The following WDR70 variants were observed in gnomAD, a reference collection of about 807,000 sequenced individuals.
The protein encoded by WDR70 is WD repeat-containing protein 70.
WDR70 carries 53 observed loss-of-function variants against 88.6 expected under a neutral mutation model. That is an observed-to-expected ratio of 0.60 (90% CI 0.48 to 0.75). The LOEUF is 0.75. WDR70 is among the 30% of genes least tolerant of loss of function. The pLI is 0.00. For synonymous variants in WDR70, 280 were observed against 270.0 expected (o/e 1.04, Z -0.36); for missense variants, 610 against 823.2 (o/e 0.74, Z 3.17).
chr5:37,630,849 C>T (rs1247224755), intron 10 of WDR70, among the ~76,000 whole-genome samples: 1 of 152,210 alleles, frequency 6.6e-6, no homozygotes, highest in Non-Finnish European at 1.5e-5. Context: ...AGTAGCTTGT[C>T]TCACAGGGGA....
intron 8 of WDR70, among the ~76,000 whole-genome samples, chr5:37,486,465 T>C (rs1448448886): frequency 2.0e-5 from 3 of 150,574 alleles, no homozygotes; most frequent in Admixed American, 6.7e-5. Flanking sequence ...TGCCTCAGCA[T>C]CCTGAGTAGC....
At chr5:37,712,571 A>C (rs1747543739) in intron 13 of WDR70, among the ~76,000 whole-genome samples, 1 of 152,138 alleles carries the variant, frequency 6.6e-6, no homozygotes, top group Non-Finnish European at 1.5e-5. Flanking sequence ...ATTTGTTTGA[A>C]TTTGACACTT....
chr5:37,573,512 T>C (rs1742969971), intron 9 of WDR70, among the ~76,000 whole-genome samples: 2 of 150,572 alleles, frequency 1.3e-5, no homozygotes, highest in South Asian at 4.3e-4. Flanking sequence ...GTATATCTCC[T>C]AATGCTATCC....
chr5:37,514,148 G>A (rs893233047), intron 8 of WDR70, among the ~76,000 whole-genome samples: 2 of 150,926 alleles, frequency 1.3e-5, no homozygotes, highest in South Asian at 4.2e-4. Flanking sequence ...CTAAGTAGCT[G>A]GAACTATAGA....
chr5:37,492,397 G>C (rs573003180), intron 8 of WDR70, among the ~76,000 whole-genome samples: 188 of 152,302 alleles, frequency 1.2e-3, no homozygotes, highest in Non-Finnish European at 2.3e-3. Context: ...GTTGTAGGGT[G>C]AATTCTAAGA....
intron 17 of WDR70, among the ~76,000 whole-genome samples, chr5:37,732,166 C>T (rs1252868476): frequency 6.6e-6 from 1 of 152,066 alleles, no homozygotes; most frequent in African/African-American, 2.4e-5. Flanking sequence ...CATTCTACTG[C>T]TTAGAGATAC....
intron 5 of WDR70, among the ~76,000 whole-genome samples, chr5:37,413,429 A>G (rs1749587395): frequency 6.6e-6 from 1 of 152,214 alleles, no homozygotes; most frequent in African/African-American, 2.4e-5. Flanking sequence ...TAGATAAGTA[A>G]CAGAGATTCC....
At chr5:37,533,457 TCAC>T (rs35578229) in intron 9 of WDR70, among the ~76,000 whole-genome samples, 4,666 of 141,192 alleles carry the variant, frequency 0.033, 112 homozygotes, top group African/African-American at 0.051. Flanking sequence ...AACAAAACAA[TCAC>T]CACCACCACC....
At chr5:37,553,800 T>C (rs900517307) in intron 9 of WDR70, among the ~76,000 whole-genome samples, 3 of 152,240 alleles carry the variant, frequency 2.0e-5, no homozygotes, top group Admixed American at 2.0e-4. Context: ...CTCTGCCATT[T>C]ACTAAGTGTG....
At chr5:37,463,326 G>A (rs1436762569) in intron 7 of WDR70, among the ~76,000 whole-genome samples, 3 of 150,854 alleles carry the variant, frequency 2.0e-5, no homozygotes, top group Non-Finnish European at 4.4e-5. Context: ...TCATCATCAC[G>A]CAGCTAGTTA....
chr5:37,580,987 T>A (rs1231517122), intron 9 of WDR70, among the ~76,000 whole-genome samples: 1 of 152,208 alleles, frequency 6.6e-6, no homozygotes, highest in Non-Finnish European at 1.5e-5. Flanking sequence ...TCACAAAGAA[T>A]TATTAAGAGA....
intron 9 of WDR70, among the ~76,000 whole-genome samples, chr5:37,553,380 C>T (rs975794368): frequency 6.6e-6 from 1 of 152,150 alleles, no homozygotes; most frequent in African/African-American, 2.4e-5. Flanking sequence ...GTATCCTGTT[C>T]AGAATGGATA....
intron 11 of WDR70, among the ~76,000 whole-genome samples, chr5:37,698,889 CTATT>C (rs1368011676): frequency 2.0e-5 from 3 of 152,154 alleles, no homozygotes; most frequent in African/African-American, 7.2e-5. Flanking sequence ...ATGTAATTCT[CTATT>C]TATGATACAC....
intron 5 of WDR70, among the ~76,000 whole-genome samples, chr5:37,409,131 G>A (rs1469613295): frequency 1.3e-5 from 2 of 151,992 alleles, no homozygotes; most frequent in Non-Finnish European, 2.9e-5. Flanking sequence ...TAGAGATGGG[G>A]TTTCACCATG....
intron 3 of WDR70, among the ~76,000 whole-genome samples, chr5:37,387,795 A>AC (rs1238542280): frequency 1.3e-5 from 2 of 152,124 alleles, no homozygotes; most frequent in Non-Finnish European, 2.9e-5. Flanking sequence ...CTACCATGAG[A>AC]CAGTTTGACT....
At chr5:37,641,411 C>CT (rs70978833) in intron 10 of WDR70, among the ~76,000 whole-genome samples, 36,733 of 80,192 alleles carry the variant, frequency 0.46, 8,703 homozygotes, top group Non-Finnish European at 0.51. Flanking sequence ...TGTCCACATC[C>CT]TTTTTTTTTT....
chr5:37,401,458 G>A (rs1353728826), intron 5 of WDR70, among the ~76,000 whole-genome samples: 1 of 151,778 alleles, frequency 6.6e-6, no homozygotes. Context: ...TGGAATTACA[G>A]GCACGCGCCA....
intron 5 of WDR70, among the ~76,000 whole-genome samples, chr5:37,419,192 C>G (rs1749861310): frequency 1.3e-5 from 2 of 151,076 alleles, no homozygotes. Context: ...ACTCATGTTT[C>G]ATTTTACGTT....
At chr5:37,564,562 A>AGAG (rs369881821) in intron 9 of WDR70, among the ~76,000 whole-genome samples, 78 of 139,334 alleles carry the variant, frequency 5.6e-4, no homozygotes, top group Non-Finnish European at 9.8e-4. Flanking sequence ...GACCGTGGGG[A>AGAG]GAGGGAGAGG....
Sources: gnomAD v4.1 joint callset for allele counts (sites outside exome capture counted in the v4.1 genomes callset) on GRCh38, gnomAD v4.1.1 for gene constraint, MANE v1.5 for transcripts, NCBI Gene and HGNC (gene_info 2026-07-23, HGNC 2026-07-21) for gene names.